Variants in OR52E4 observed in about 807,000 individuals in gnomAD.
OR52E4 encodes olfactory receptor 52E4.
For missense variants in OR52E4, 444 were observed against 383.8 expected (o/e 1.16, Z -1.31); for synonymous variants, 169 against 137.4 (o/e 1.23, Z -1.61).
In OR52E4 at chr11:5,884,428, A is replaced by G; in HGVS notation, c.136A>G (p.Thr46Ala). The G allele has an allele frequency of 6.2e-7, 1 of 1,613,402 alleles. No individual in the cohort carries two copies. Among genetic ancestry groups the G allele is most frequent in the African/African-American group, 1.3e-5 (1 of 74,942 alleles). Residue 46 changes from threonine (T) to alanine (A), a missense_variant, in exon 2 of 2, where the codon ACC becomes GCC. Coordinates refer to ENST00000641726, the MANE Select transcript of OR52E4 (RefSeq NM_001005165.2). Reference protein sequence around the residue: ...VYLIAIVGNMTILFVIKTEHS... With the variant: ...VYLIAIVGNMAILFVIKTEHS... ...CCTGATTGCCATTGTGGGGAATATG[A>G]CCATTCTCTTTGTGATCAAAACTGA... is the stretch of plus-strand genomic sequence containing the variant.
Position 5,885,023 on chromosome 11 carries a change from C to G in OR52E4, c.731C>G (p.Ser244Cys). ...CTAAAGGCCTTCAATACCTGTGGTTCTCATGTCTGTGTTATGCTGTGCTTT... is the reference window on the plus strand; with the variant it reads ...CTAAAGGCCTTCAATACCTGTGGTTGTCATGTCTGTGTTATGCTGTGCTTT... ...VRLKAFNTCG[S>C]HVCVMLCFYT... Residue 244 changes from serine (S) to cysteine (C), a missense_variant, in exon 2 of 2, where the codon TCT becomes TGT. Ser to Cys is a moderately radical substitution (Grantham distance 112). Transcript: ENST00000641726. The G allele has an allele frequency of 1.9e-6, 3 of 1,613,516 alleles. No homozygotes were observed. Among genetic ancestry groups the G allele is most frequent in the Non-Finnish European group, 2.5e-6 (3 of 1,179,704 alleles).
In OR52E4 at chr11:5,884,273, C is replaced by T; in HGVS notation, c.-20C>T. On this transcript the variant is annotated 5_prime_UTR_variant, in exon 2 of 2. Coordinates refer to ENST00000641726, the MANE Select transcript of OR52E4 (RefSeq NM_001005165.2). ...GTGAGATCCTTCATACTTAGGAATT[C>T]AGTGACACTTGCTGGGAGAATGCCT... 2 of 1,552,310 alleles carry T rather than the reference C, an allele frequency of 1.3e-6. No homozygotes were observed. Among genetic ancestry groups the T allele is most frequent in the East Asian group, 2.2e-5 (1 of 44,596 alleles).
rs1847029951 is a variant in OR52E4, at chr11:5,885,501, T to C, written c.*270T>C. On this transcript the variant is annotated 3_prime_UTR_variant, in exon 2 of 2. Coordinates refer to ENST00000641726, the MANE Select transcript of OR52E4 (RefSeq NM_001005165.2). ...GGTGGCTTTGGAGTAGAACTGCTTG[T>C]AAACAAGGGTGATAGGTAGCTCCAT... The C allele has an allele frequency of 3.1e-6, 1 of 325,876 alleles. No individual in the cohort carries two copies. Among genetic ancestry groups the C allele is most frequent in the South Asian group, 7.3e-5 (1 of 13,694 alleles). 20.2% of individuals were successfully genotyped at this position (325,876 alleles called of 1,614,324 possible).
chr11:5,885,183 C>A lies in OR52E4; in HGVS notation c.891C>A (p.Thr297=), dbSNP rs1239583455. 2 of 1,603,452 alleles carry A rather than the reference C, an allele frequency of 1.2e-6. No individual in the cohort carries two copies. Among genetic ancestry groups the A allele is most frequent in the Non-Finnish European group, 1.7e-6 (2 of 1,176,032 alleles). ...ALNPVIYGVR[T]KQIREQIVKI... The stretch of plus-strand genomic sequence containing the variant: ...ACCCTGTCATTTATGGAGTCAGGAC[C>A]AAGCAGATCCGAGAGCAAATTGTGA... Residue 297 remains threonine (T), a synonymous_variant, in exon 2 of 2, where the codon ACC becomes ACA. Transcript: ENST00000641726.
chr11:5,885,971 T>C lies in OR52E4; in HGVS notation c.*740T>C, dbSNP rs1014349133. ...ATCAGCTGCCAACGCAGCTAGAATATAAAGCAGGCAGAAAAATGTGAAAAG... is the reference window on the plus strand; with the variant it reads ...ATCAGCTGCCAACGCAGCTAGAATACAAAGCAGGCAGAAAAATGTGAAAAG... On this transcript the variant is annotated 3_prime_UTR_variant, in exon 2 of 2. Coordinates refer to ENST00000641726, the MANE Select transcript of OR52E4 (RefSeq NM_001005165.2). 2.6e-5 allele frequency: 4 copies of C among 152,032 alleles called. No homozygotes were observed. The highest frequency in any genetic ancestry group is 7.2e-5 in the African/African-American group (3 of 41,420). The allele number at this position is 152,032 out of a possible 1,614,324, so 9.4% of individuals were successfully genotyped here. A position where few individuals can be genotyped will look rare whatever the true frequency, so the allele number is the denominator to read the frequency against.
At chr11:5,883,277 T>C (rs1846989075) in intron 1 of OR52E4, among the ~76,000 whole-genome samples, 1 of 152,016 alleles carries the variant, frequency 6.6e-6, no homozygotes, top group Admixed American at 6.6e-5. Flanking sequence ...TTTAGAAGCA[T>C]CAAAATTAGT....
intron 1 of OR52E4, among the ~76,000 whole-genome samples, chr11:5,882,880 T>C (rs1846983288): frequency 6.6e-6 from 1 of 152,080 alleles, no homozygotes; most frequent in Non-Finnish European, 1.5e-5. Flanking sequence ...CAACTCTTAG[T>C]TGCAGCTATT....
rs116557602 is a variant in OR52E4 at position 5,884,708 on chromosome 11, C to T, written c.416C>T (p.Thr139Ile). ...CNPLQYTMIL[T>I]NKTISILASV... ...CCTCTCCAGTACACCATGATCCTCA[C>T]CAATAAAACCATCAGTATCCTAGCT... The change falls in exon 2 of 2, where the codon ACC becomes ATC. Residue 139 changes from threonine (T) to isoleucine (I), a missense_variant. Physicochemically the swap from Thr to Ile is moderately conservative, Grantham distance 89. Coordinates refer to ENST00000641726, the MANE Select transcript of OR52E4 (RefSeq NM_001005165.2). 4.3e-6 allele frequency: 7 copies of T among 1,613,652 alleles called. No homozygotes were observed. In the South Asian group the frequency reaches 4.4e-5, roughly 10 times the overall value.
chr11:5,882,940 G>T (rs561121761), intron 1 of OR52E4, among the ~76,000 whole-genome samples: 1 of 152,106 alleles, frequency 6.6e-6, no homozygotes, highest in East Asian at 1.9e-4. Flanking sequence ...TACAATCCAG[G>T]TTACATTAGT....
In OR52E4 at chr11:5,885,211, A is replaced by G. The variant is rs534653133; in HGVS notation, c.919A>G (p.Ile307Val). Residue 307 changes from isoleucine (I) to valine (V), a missense_variant, in exon 2 of 2, where the codon ATA becomes GTA. Ile to Val is a conservative substitution (Grantham distance 29). Coordinates refer to ENST00000641726, the MANE Select transcript of OR52E4 (RefSeq NM_001005165.2). ...TKQIREQIVK[I>V]FVQKE The stretch of plus-strand genomic sequence containing the variant: ...GCAGATCCGAGAGCAAATTGTGAAA[A>G]TATTTGTACAGAAAGAATAATTCTG... 1.9e-5 allele frequency: 30 copies of G among 1,593,720 alleles called. No homozygotes were observed. In the African/African-American group the frequency reaches 3.5e-4, roughly 19 times the overall value.
At chr11:5,880,941 C>G (rs530264739) in intron 1 of OR52E4, among the ~76,000 whole-genome samples, 23 of 152,060 alleles carry the variant, frequency 1.5e-4, no homozygotes, top group Non-Finnish European at 2.6e-4. Flanking sequence ...CTCTCTCCCC[C>G]CTTTCTCTCT....
rs1336500305 is a variant in OR52E4 at position 5,885,453 on chromosome 11, A to T, written c.*222A>T. On this transcript the variant is annotated 3_prime_UTR_variant, in exon 2 of 2. Coordinates refer to ENST00000641726, the MANE Select transcript of OR52E4 (RefSeq NM_001005165.2). ...GGACAAAGGTTAGAGATTAATGGAG[A>T]AGGTAACTATGCTGAAGGTTGAGGT... The T allele has an allele frequency of 2.2e-6, 1 of 461,260 alleles. No homozygotes were observed. 28.6% of individuals were successfully genotyped at this position (461,260 alleles called of 1,614,324 possible). A position where few individuals can be genotyped will look rare whatever the true frequency, so the allele number is the denominator to read the frequency against.
In OR52E4 at chr11:5,885,060, A is replaced by AT. The variant is rs1564991977; in HGVS notation, c.775dup (p.Ser259PhefsTer21). On this transcript the variant is annotated frameshift_variant, in exon 2 of 2. Transcript: ENST00000641726. LOFTEE classifies it low-confidence loss of function (END_TRUNC). ...TTATGCTGTGCTTTTACACACCAGC[A>AT]TTTTTTTCTTTTATGACACATCGTT... 2 of 1,613,300 alleles carry AT rather than the reference A, an allele frequency of 1.2e-6. No individual in the cohort carries two copies. The highest frequency in any genetic ancestry group is 3.3e-5 in the Admixed American group (2 of 59,856).
Position 5,885,945 on chromosome 11 carries a change from A to G in OR52E4, c.*714A>G, listed in dbSNP as rs1178594032. ...CCTTCAATCTGGGTGGGCACCATCT[A>G]ATCAGCTGCCAACGCAGCTAGAATA... On this transcript the variant is annotated 3_prime_UTR_variant, in exon 2 of 2. Transcript: ENST00000641726. 6.6e-6 allele frequency: 1 copy of G among 152,108 alleles called. No homozygotes were observed. Among genetic ancestry groups the G allele is most frequent in the East Asian group, 1.9e-4 (1 of 5,162 alleles). 9.4% of individuals were successfully genotyped at this position (152,108 alleles called of 1,614,324 possible). A position where few individuals can be genotyped will look rare whatever the true frequency, so the allele number is the denominator to read the frequency against.
At chr11:5,881,443 A>G (rs539494609) in intron 1 of OR52E4, among the ~76,000 whole-genome samples, 1 of 152,252 alleles carries the variant, frequency 6.6e-6, no homozygotes, top group South Asian at 2.1e-4. Flanking sequence ...TAAGAATAAG[A>G]GGAGAAAATT....
chr11:5,882,812 T>C (rs1342503640), intron 1 of OR52E4, among the ~76,000 whole-genome samples: 1 of 151,956 alleles, frequency 6.6e-6, no homozygotes, highest in East Asian at 1.9e-4. Flanking sequence ...GCTGAACAAC[T>C]GGGAACCAAC....
In OR52E4 at chr11:5,885,226, G is replaced by C. The variant is rs754064607; in HGVS notation, c.934G>C (p.Glu312Gln). 2.5e-6 allele frequency: 4 copies of C among 1,569,912 alleles called. No individual in the cohort carries two copies. The African/African-American group carries it at 5.5e-5, about 21-fold the overall frequency. The change falls in exon 2 of 2, where the codon GAA (glutamate) becomes CAA (glutamine). Residue 312 changes from glutamate (E) to glutamine (Q), a missense_variant. Glu to Gln is a conservative substitution (Grantham distance 29, BLOSUM62 2). Transcript: ENST00000641726. Reference sequence around the variant, plus strand: ...AATTGTGAAAATATTTGTACAGAAAGAATAATTCTGTATTAAAGTTTGGAT... The same window carrying C: ...AATTGTGAAAATATTTGTACAGAAACAATAATTCTGTATTAAAGTTTGGAT... Reference protein sequence around the residue: ...EQIVKIFVQKE With the variant: ...EQIVKIFVQKQ
Position 5,884,207 on chromosome 11 carries a change from C to A in OR52E4, c.-74-12C>A, listed in dbSNP as rs1847001479. The A allele has an allele frequency of 1.1e-6, 1 of 926,174 alleles. No homozygotes were observed. The highest frequency in any genetic ancestry group is 1.7e-5 in the African/African-American group (1 of 60,530). 57.4% of individuals were successfully genotyped at this position (926,174 alleles called of 1,614,324 possible). ...CTCTAGCACACTGATAAGAGTCTTT[C>A]TGTTTCTTCAGGAACTTGACAAGAG... On this transcript the variant is annotated splice_polypyrimidine_tract_variant and intron_variant, in intron 1 of 1. Transcript: ENST00000641726.
chr11:5,881,697 T>A (rs1269643227), intron 1 of OR52E4, among the ~76,000 whole-genome samples: 2 of 152,152 alleles, frequency 1.3e-5, no homozygotes, highest in Non-Finnish European at 2.9e-5. Context: ...TTTGGGAGCA[T>A]TAATAAAATA....
Sources: allele counts gnomAD v4.1 joint callset (sites outside exome capture counted in the v4.1 genomes callset), GRCh38; gene constraint gnomAD v4.1.1; transcripts MANE v1.5; gene names NCBI Gene and HGNC (gene_info 2026-07-23, HGNC 2026-07-21).